ERICH3: variants seen among roughly 807,000 people sequenced by gnomAD.
ERICH3 encodes the protein glutamate rich 3, also known as glutamate-rich protein 3.
In ERICH3, 126 loss-of-function variants were observed where a neutral mutation model predicts 131.1. The observed-to-expected ratio is 0.96, with a 90% CI of 0.83 to 1.11. The LOEUF is 1.11. ERICH3 is among the 50% of genes most tolerant of loss of function. The pLI is 0.00. For missense variants in ERICH3, 2,050 were observed against 1,810.7 expected (o/e 1.13, Z -2.40); for synonymous variants, 695 against 644.6 (o/e 1.08, Z -1.18).
intron 12 of ERICH3, among the ~76,000 whole-genome samples, chr1:74,577,680 T>C (rs1409028791): frequency 6.6e-6 from 1 of 151,792 alleles, no homozygotes; most frequent in East Asian, 1.9e-4. Context: ...CAACAGAAGA[T>C]CATGAAGTAA....
chr1:74,605,333 G>T (rs1475955674), intron 10 of ERICH3, among the ~76,000 whole-genome samples: 3 of 151,830 alleles, frequency 2.0e-5, no homozygotes, highest in Non-Finnish European at 4.4e-5. Flanking sequence ...CTATATATCA[G>T]CAATAACGAT....
intron 5 of ERICH3, among the ~76,000 whole-genome samples, chr1:74,639,949 T>C (rs1646423658): frequency 1.3e-5 from 2 of 152,180 alleles, no homozygotes; most frequent in Admixed American, 6.5e-5. Flanking sequence ...ATGGGACCTA[T>C]TTAATTCCAA....
Position 74,572,765 on chromosome 1 carries a change from T to C in ERICH3, c.2945A>G (p.Lys982Arg), listed in dbSNP as rs760253784. The part of the protein sequence containing the change: ...EAILGGEEPA[K>R]ERKEVMRTET... ...TGTTCTCATAACCTCTTTTCTCTCT[T>C]TGGCTGGTTCCTCTCCCCCAAGAAT... The change falls in exon 14 of 15, where the codon AAA becomes AGA. Residue 982 changes from lysine to arginine, a missense_variant. Transcript: ENST00000326665. The C allele has an allele frequency of 6.1e-5, 98 of 1,613,848 alleles. No individual in the cohort carries two copies. Among genetic ancestry groups the C allele is most frequent in the Non-Finnish European group, 8.1e-5 (96 of 1,179,994 alleles).
At chr1:74,650,916 A>C (rs1051606205) in intron 1 of ERICH3, among the ~76,000 whole-genome samples, 2 of 151,918 alleles carry the variant, frequency 1.3e-5, no homozygotes, top group African/African-American at 4.8e-5. Flanking sequence ...AGAAAGACAA[A>C]GAGGAAGACA....
At chr1:74,614,528 T>A (rs945218818) in intron 8 of ERICH3, among the ~76,000 whole-genome samples, 13 of 151,514 alleles carry the variant, frequency 8.6e-5, no homozygotes, top group African/African-American at 2.9e-4. Context: ...TACAAAAAAA[T>A]TAGCCGGGCG....
chr1:74,657,063 C>CT (rs994066415), intron 1 of ERICH3, among the ~76,000 whole-genome samples: 2 of 152,088 alleles, frequency 1.3e-5, no homozygotes, highest in African/African-American at 4.8e-5. Context: ...GACATATATC[C>CT]TTTTTTAAAA....
In ERICH3 at chr1:74,601,054, C is replaced by T. The variant is rs531141057; in HGVS notation, c.1490-1123G>A. ...GTAAGGGGAAAAGTGAAATCAAAAC[C>T]TATAACAAAGAAAATTAGATAATCA... On this transcript the variant is annotated intron_variant, in intron 10 of 14. Transcript: ENST00000326665. Among the ~76,000 whole-genome samples, 12 of 151,404 alleles carry T rather than the reference C, an allele frequency of 7.9e-5. No individual in the cohort carries two copies. In the East Asian group the frequency reaches 2.3e-3, roughly 30 times the overall value.
intron 10 of ERICH3, among the ~76,000 whole-genome samples, chr1:74,601,642 C>T (rs1648137088): frequency 6.6e-6 from 1 of 151,784 alleles, no homozygotes; most frequent in Non-Finnish European, 1.5e-5. Context: ...AGGTTAGCTA[C>T]AGAATACACA....
intron 1 of ERICH3, among the ~76,000 whole-genome samples, chr1:74,654,832 A>C (rs1218148653): frequency 6.6e-6 from 1 of 152,158 alleles, no homozygotes; most frequent in Non-Finnish European, 1.5e-5. Flanking sequence ...AAGACCATAT[A>C]ACCTAAGGCT....
rs181589962 is a variant in ERICH3 at position 74,614,900 on chromosome 1, A to G, written c.1001-2091T>C. On this transcript the variant is annotated intron_variant, in intron 8 of 14. Transcript: ENST00000326665. ...TCCTCAGGTGGTGAAAGCAAGTTTG[A>G]TTGTTTTTGTTATAGAAGCTTGAGT... is the stretch of plus-strand genomic sequence containing the variant. 3.2e-4 allele frequency among the ~76,000 whole-genome samples: 49 copies of G among 152,248 alleles called. 1 individual carries two copies. The highest frequency in any genetic ancestry group is 8.9e-4 in the African/African-American group (37 of 41,546).
chr1:74,579,810 C>T (rs931959616), intron 12 of ERICH3: 8 of 985,126 alleles, frequency 8.1e-6, no homozygotes, highest in Non-Finnish European at 9.6e-6. Context: ...TGTCTTTTAC[C>T]TATCAATAAA....
At chr1:74,642,543 TA>T (rs1283238302) in intron 4 of ERICH3, among the ~76,000 whole-genome samples, 1 of 151,802 alleles carries the variant, frequency 6.6e-6, no homozygotes, top group Non-Finnish European at 1.5e-5. Flanking sequence ...CAAAGAATTT[TA>T]AAATGCATTT....
chr1:74,608,067 A>G (rs1213782386), intron 9 of ERICH3, among the ~76,000 whole-genome samples: 1 of 151,998 alleles, frequency 6.6e-6, no homozygotes, highest in Non-Finnish European at 1.5e-5. Context: ...TTCTAGCTCA[A>G]GACTGCTAGG....
At chr1:74,591,352 A>G (rs1647593058) in intron 11 of ERICH3, among the ~76,000 whole-genome samples, 1 of 152,230 alleles carries the variant, frequency 6.6e-6, no homozygotes, top group Admixed American at 6.5e-5. Flanking sequence ...GGCACTTCTG[A>G]CATGTAAGCT....
rs755264035 is a variant in ERICH3, at chr1:74,630,784, G to A, written c.819+929C>T. Among the ~76,000 whole-genome samples the A allele has an allele frequency of 6.8e-4, 103 of 152,106 alleles. 1 individual carries two copies. The highest frequency in any genetic ancestry group is 1.4e-3 in the Admixed American group (21 of 15,264). On this transcript the variant is annotated intron_variant, in intron 7 of 14. Transcript: ENST00000326665. The stretch of plus-strand genomic sequence containing the variant: ...ATGACAGATAGTATGAGCTACCACC[G>A]ACAGTGAAAGAGTATCTGATCAAAG...
chr1:74,657,342 A>G (rs1296371698), intron 1 of ERICH3, among the ~76,000 whole-genome samples: 2 of 152,198 alleles, frequency 1.3e-5, no homozygotes, highest in African/African-American at 2.4e-5. Context: ...AAGAAACTTG[A>G]TGAAAGACAA....
Position 74,653,297 on chromosome 1 carries a change from T to C in ERICH3, c.24-3982A>G, listed in dbSNP as rs971010792. On this transcript the variant is annotated intron_variant, in intron 1 of 14. Coordinates refer to ENST00000326665, the MANE Select transcript of ERICH3 (RefSeq NM_001002912.5). The stretch of plus-strand genomic sequence containing the variant: ...CTGTAAGGCATTAGGGACACAGAGA[T>C]GGCACAGACACTGCACTCATGGAGC... Among the ~76,000 whole-genome samples, 70 of 152,172 alleles carry C rather than the reference T, an allele frequency of 4.6e-4. 1 individual carries two copies. Among genetic ancestry groups the C allele is most frequent in the South Asian group, 6.2e-4 (3 of 4,818 alleles).
At chr1:74,637,686 A>G (rs536834985) in intron 5 of ERICH3, among the ~76,000 whole-genome samples, 1 of 152,198 alleles carries the variant, frequency 6.6e-6, no homozygotes, top group African/African-American at 2.4e-5. Context: ...TTGGGAGGCC[A>G]TGGTGGGTAG....
intron 1 of ERICH3, among the ~76,000 whole-genome samples, chr1:74,662,639 A>T (rs1342604022): frequency 6.6e-6 from 1 of 152,210 alleles, no homozygotes; most frequent in Admixed American, 6.5e-5. Flanking sequence ...AGTAAGACAC[A>T]GTAAGTAGAA....
Sources: allele counts gnomAD v4.1 joint callset (sites outside exome capture counted in the v4.1 genomes callset), GRCh38; gene constraint gnomAD v4.1.1; transcripts MANE v1.5; gene names NCBI Gene and HGNC (gene_info 2026-07-23, HGNC 2026-07-21).